Variants in DOP1A observed in about 807,000 individuals in gnomAD.
The protein encoded by DOP1A is protein DOP1A.
In DOP1A, 90 loss-of-function variants were observed where a neutral mutation model predicts 267.6. That is an observed-to-expected ratio of 0.34 (90% CI 0.28 to 0.40). The LOEUF (loss-of-function observed/expected upper bound fraction) is 0.40. DOP1A is among the 10% of genes least tolerant of loss of function. The probability of loss-of-function intolerance (pLI) is 1.00; values close to 1 mark genes in which losing one functional copy is unlikely to be tolerated. For synonymous variants in DOP1A, 932 were observed against 999.1 expected (o/e 0.93, Z 1.27); for missense variants, 2,437 against 2,900.4 (o/e 0.84, Z 3.67).
chr6:83,096,571 A>G (rs537687193), intron 1 of DOP1A, among the ~76,000 whole-genome samples, 160 bp from the exon 2 acceptor site: 1 of 151,846 alleles, frequency 6.6e-6, no homozygotes, highest in Admixed American at 6.6e-5. Flanking sequence ...GACTTAATGT[A>G]TTTTAGGATC....
chr6:83,153,330 A>G, intron 30 of DOP1A, 181 bp from the exon 31 acceptor site: 1 of 435,942 alleles, frequency 2.3e-6, no homozygotes, highest in Non-Finnish European at 4.0e-6. Context: ...TCCTATAGTA[A>G]CAATGTACAA....
chr6:83,144,188 C>G (rs1780098878), intron 24 of DOP1A, among the ~76,000 whole-genome samples: 1 of 151,986 alleles, frequency 6.6e-6, no homozygotes, highest in South Asian at 2.1e-4. Flanking sequence ...AGGAATAAAC[C>G]AAGAATGAAG....
chr6:83,115,821 T>C (rs1303739310), intron 7 of DOP1A, among the ~76,000 whole-genome samples: 1 of 152,018 alleles, frequency 6.6e-6, no homozygotes, highest in African/African-American at 2.4e-5. Context: ...TCTGAAATTT[T>C]TTATCCTTTG....
At position 83,096,953 on chromosome 6, in the gene DOP1A, G is replaced by C; in HGVS notation, c.-25G>C. 2 of 1,611,912 alleles carry C rather than the reference G, an allele frequency of 1.2e-6. No individual in the cohort carries two copies. The highest frequency in any genetic ancestry group is 1.7e-6 in the Non-Finnish European group (2 of 1,178,982). On this transcript the variant is annotated 5_prime_UTR_variant, in exon 3 of 39. Transcript: ENST00000349129. ...ATGACTTTACATGAGTTTGGAACTG[G>C]TCTCTAGTGGGAAGTTGTGGGAGGA...
At position 83,151,942 on chromosome 6, in the gene DOP1A, G is replaced by A. The variant is rs904439975; in HGVS notation, c.5964G>A (p.Gln1988=). 1 of 1,613,848 alleles carries A rather than the reference G, an allele frequency of 6.2e-7. No individual in the cohort carries two copies. Among genetic ancestry groups the A allele is most frequent in the African/African-American group, 1.3e-5 (1 of 74,896 alleles). ...IGAIAGSSLE[Q]TTWLRRNLEV... ...CAATTGCTGGTTCTTCTCTGGAACA[G>A]ACAACATGGCTGCGACGAAATCTTG... The change falls in exon 29 of 39, where the codon CAG becomes CAA. Residue 1988 remains glutamine, a synonymous_variant. Coordinates refer to ENST00000349129, the MANE Select transcript of DOP1A (RefSeq NM_015018.4).
intron 3 of DOP1A, among the ~76,000 whole-genome samples, chr6:83,097,537 A>G (rs1024173966): frequency 1.1e-4 from 17 of 152,342 alleles, no homozygotes; most frequent in African/African-American, 3.6e-4. Flanking sequence ...AACATTTTCT[A>G]TCCTGGCAAG....
Position 83,141,974 on chromosome 6 carries a change from T to C in DOP1A, c.5469T>C (p.Gly1823=), listed in dbSNP as rs757854913. Residue 1823 remains glycine, a synonymous_variant, in exon 24 of 39, where the codon GGT becomes GGC. Coordinates refer to ENST00000349129, the MANE Select transcript of DOP1A (RefSeq NM_015018.4). ...ELLGPISMNH[G]VHFMAAIAFV... The stretch of plus-strand genomic sequence containing the variant: ...TGGGCCCCATTTCAATGAATCATGG[T>C]GTTCACTTTATGGCTGCCATTGCAT... The C allele has an allele frequency of 1.9e-6, 3 of 1,612,892 alleles. No homozygotes were observed. The highest frequency in any genetic ancestry group is 2.2e-5 in the South Asian group (2 of 90,844).
rs1296122563 is a variant in DOP1A at position 83,120,623 on chromosome 6, T to A, written c.991-60T>A. ...GGTTGCATTTAAAAATACTTTTTCT[T>A]AAGGAAAAAATATTTGAATATGTTT... On this transcript the variant is annotated intron_variant, in intron 9 of 38. Coordinates refer to ENST00000349129, the MANE Select transcript of DOP1A (RefSeq NM_015018.4). 3 of 1,369,142 alleles carry A rather than the reference T, an allele frequency of 2.2e-6. No homozygotes were observed. In the African/African-American group the frequency reaches 4.3e-5, roughly 20 times the overall value. The allele number at this position is 1,369,142 out of a possible 1,614,324, so 84.8% of individuals were successfully genotyped here.
intron 26 of DOP1A, among the ~76,000 whole-genome samples, chr6:83,148,129 G>T (rs1780910267): frequency 6.6e-6 from 1 of 152,070 alleles, no homozygotes; most frequent in Non-Finnish European, 1.5e-5. Flanking sequence ...TTAAGAAATT[G>T]CAGGCTAGGG....
intron 4 of DOP1A, among the ~76,000 whole-genome samples, chr6:83,104,810 T>C (rs1311868003): frequency 6.6e-6 from 1 of 152,156 alleles, no homozygotes; most frequent in Non-Finnish European, 1.5e-5. Context: ...CCTCTTTCAC[T>C]CTTGATATTG....
In DOP1A at chr6:83,157,191, T is replaced by C. The variant is rs1324171867; in HGVS notation, c.6614T>C (p.Val2205Ala). ...KYLPDIQERL[V>A]ESLRLPQVPT... Reference sequence around the variant, plus strand: ...TCTGCATTTCTTTCAGAGAGATTGGTTGAGAGTCTCCGTTTGCCACAGGTG... The same window carrying C: ...TCTGCATTTCTTTCAGAGAGATTGGCTGAGAGTCTCCGTTTGCCACAGGTG... Residue 2205 changes from valine (V) to alanine (A), a missense_variant, in exon 35 of 39, where the codon GTT becomes GCT. This residue lies in a region of DOP1A where 75 missense variants were observed against 149.6 expected (regional missense o/e 0.50). Coordinates refer to ENST00000349129, the MANE Select transcript of DOP1A (RefSeq NM_015018.4). The C allele has an allele frequency of 1.2e-6, 2 of 1,612,914 alleles. No individual in the cohort carries two copies. Among genetic ancestry groups the C allele is most frequent in the Middle Eastern group, 1.6e-4 (1 of 6,078 alleles).
chr6:83,158,838 A>T (rs888956921), intron 36 of DOP1A, among the ~76,000 whole-genome samples: 4 of 152,162 alleles, frequency 2.6e-5, no homozygotes, highest in Admixed American at 6.5e-5. Context: ...CCCTAGACAC[A>T]AATTTAATTT....
chr6:83,164,213 A>C (rs1236391480), intron 38 of DOP1A, among the ~76,000 whole-genome samples: 1 of 151,040 alleles, frequency 6.6e-6, no homozygotes, highest in Non-Finnish European at 1.5e-5. Flanking sequence ...GAATGAAGAA[A>C]GTGATTAAAG....
chr6:83,145,979 G>A (rs1337523258), intron 25 of DOP1A, among the ~76,000 whole-genome samples: 1 of 152,092 alleles, frequency 6.6e-6, no homozygotes, highest in Non-Finnish European at 1.5e-5. Flanking sequence ...CTCAAGATTT[G>A]CTTCTCTCAG....
intron 5 of DOP1A, 137 bp downstream of exon 5, chr6:83,109,217 A>G: frequency 2.8e-6 from 2 of 717,646 alleles, no homozygotes; most frequent in East Asian, 2.7e-5. Context: ...TTCTATAGCA[A>G]TGAAACATTA....
At chr6:83,117,097 C>T (rs929278997) in intron 7 of DOP1A, among the ~76,000 whole-genome samples, 1 of 151,292 alleles carries the variant, frequency 6.6e-6, no homozygotes, top group Admixed American at 6.6e-5. Context: ...CTTCAGTATA[C>T]ATCAGAAGTA....
chr6:83,164,976 G>A (rs1785108380), intron 38 of DOP1A: 1 of 380,614 alleles, frequency 2.6e-6, no homozygotes, highest in Non-Finnish European at 4.7e-6. Context: ...TTGGTCAAGA[G>A]CTTAATAAAA....
intron 1 of DOP1A, among the ~76,000 whole-genome samples, chr6:83,079,099 T>C (rs1437872838): frequency 6.6e-6 from 1 of 152,250 alleles, no homozygotes. Context: ...TGTGCAAGGC[T>C]ACTTTCTGTC....
chr6:83,134,138 T>C lies in DOP1A; in HGVS notation c.2770-49T>C, dbSNP rs1299794535. 5 of 1,495,466 alleles carry C rather than the reference T, an allele frequency of 3.3e-6. No individual in the cohort carries two copies. The Admixed American group carries it at 7.4e-5, about 22-fold the overall frequency. 92.6% of individuals were successfully genotyped at this position (1,495,466 alleles called of 1,614,324 possible). ...TACTCTGATTTTACTAAAATCATAG[T>C]ATCTTCAAGAGAGAAGAACATAATT... On this transcript the variant is annotated intron_variant, in intron 18 of 38. Transcript: ENST00000349129.
Sources: allele counts gnomAD v4.1 joint callset (sites outside exome capture counted in the v4.1 genomes callset), GRCh38; gene constraint gnomAD v4.1.1; regional missense constraint gnomAD v4.1.1; transcripts MANE v1.5; gene names NCBI Gene and HGNC (gene_info 2026-07-23, HGNC 2026-07-21).